DOCK7: variants seen among roughly 807,000 people sequenced by gnomAD.
The protein encoded by DOCK7 is dedicator of cytokinesis 7.
DOCK7 carries 138 observed loss-of-function variants against 271.0 expected under a neutral mutation model. The ratio of observed to expected loss-of-function variants is 0.51; its 90% CI spans 0.44 to 0.59. The LOEUF is 0.59. Among genes scored for constraint, DOCK7 ranks in the 20% least tolerant of loss-of-function variants. The pLI, the probability that DOCK7 is intolerant of heterozygous loss-of-function variation, is 0.00. For missense variants in DOCK7, 2,066 were observed against 2,592.4 expected (o/e 0.80, Z 4.41); for synonymous variants, 823 against 876.1 (o/e 0.94, Z 1.07).
intron 9 of DOCK7, among the ~76,000 whole-genome samples, 170 bp from the exon 10 acceptor site, chr1:62,633,748 A>C (rs1557834473): frequency 6.6e-6 from 1 of 152,200 alleles, no homozygotes. Flanking sequence ...CTTTCATGGC[A>C]GAAACGCTCA....
At position 62,505,807 on chromosome 1, in the gene DOCK7, C is replaced by T; in HGVS notation, c.4486G>A (p.Val1496Ile). Residue 1496 changes from valine (V) to isoleucine (I), a missense_variant, in exon 36 of 50, where the codon GTA becomes ATA. By Grantham distance (29) the Val-to-Ile change is conservative. Around this residue, in one of 2 missense-constraint regions of DOCK7, gnomAD observed 652 missense variants for 922.1 expected, o/e 0.71. Transcript: ENST00000635253. ...AGAATGCTCTCTTTGGATTCCGTTA[C>T]AGAAACGGTCTGCAATTTAAAAATA... ...TLEIVVQTVS[V>I]TESKESILGG... 6.2e-7 allele frequency: 1 copy of T among 1,608,616 alleles called. No homozygotes were observed. Among genetic ancestry groups the T allele is most frequent in the Non-Finnish European group, 8.5e-7 (1 of 1,178,210 alleles).
At chr1:62,559,297 C>A in intron 19 of DOCK7, 77 bp from the exon 20 acceptor site, 1 of 1,045,216 alleles carries the variant, frequency 9.6e-7, no homozygotes, top group Non-Finnish European at 1.4e-6. Context: ...CCACGGACCA[C>A]AAACATGTCA....
chr1:62,475,543 A>G (rs1240538043), intron 46 of DOCK7, 164 bp downstream of exon 46: 5 of 1,069,024 alleles, frequency 4.7e-6, no homozygotes, highest in Non-Finnish European at 6.7e-6. Context: ...GGGGTGAATT[A>G]GGGTCTTAGA....
At chr1:62,683,027 G>A (rs1419108308) in intron 1 of DOCK7, among the ~76,000 whole-genome samples, 1 of 152,146 alleles carries the variant, frequency 6.6e-6, no homozygotes, top group East Asian at 1.9e-4. Flanking sequence ...AGGTTAAAAT[G>A]AAGGACTAAT....
intron 31 of DOCK7, among the ~76,000 whole-genome samples, chr1:62,526,729 T>C (rs902041575): frequency 1.3e-5 from 2 of 152,306 alleles, no homozygotes; most frequent in Admixed American, 1.3e-4. Flanking sequence ...TACAATGGAA[T>C]ACTATTTGGC....
intron 10 of DOCK7, 30 bp from the exon 11 acceptor site, chr1:62,631,435 A>T (rs1234427426): frequency 6.5e-7 from 1 of 1,528,348 alleles, no homozygotes; most frequent in Non-Finnish European, 8.8e-7. Context: ...ACATTATATG[A>T]TTATACTTGA....
intron 31 of DOCK7, among the ~76,000 whole-genome samples, chr1:62,523,139 T>A (rs2149359569): frequency 6.6e-6 from 1 of 152,304 alleles, no homozygotes; most frequent in Admixed American, 6.5e-5. Flanking sequence ...ACTAAAATTT[T>A]AACAGGTTTA....
chr1:62,504,701 T>C lies in DOCK7; in HGVS notation c.4693A>G (p.Ile1565Val). ...LRLLRHCSSS[I>V]GTIRSHASAS... The stretch of plus-strand genomic sequence containing the variant: ...CTGGCGTGTGACCGTATTGTACCGA[T>C]GCTACTGCTACAGTGTCGGAGAAGC... The change falls in exon 37 of 50, where the codon ATC becomes GTC. Residue 1565 changes from isoleucine to valine, a missense_variant. By Grantham distance (29) the Ile-to-Val change is conservative (BLOSUM62 3). This residue lies in a region of DOCK7 where 652 missense variants were observed against 922.1 expected (regional missense o/e 0.71). Transcript: ENST00000635253. 1 of 1,614,188 alleles carries C rather than the reference T, an allele frequency of 6.2e-7. No individual in the cohort carries two copies. Among genetic ancestry groups the C allele is most frequent in the South Asian group, 1.1e-5 (1 of 91,080 alleles).
At chr1:62,653,331 T>C (rs879493250) in intron 4 of DOCK7, among the ~76,000 whole-genome samples, 8 of 152,194 alleles carry the variant, frequency 5.3e-5, no homozygotes, top group Non-Finnish European at 7.4e-5. Context: ...ACCTTTCAAA[T>C]AGCTTGGTCT....
chr1:62,547,230 C>A (rs1645740733), intron 22 of DOCK7, among the ~76,000 whole-genome samples: 1 of 152,090 alleles, frequency 6.6e-6, no homozygotes, highest in Non-Finnish European at 1.5e-5. Flanking sequence ...AAACTTGTGG[C>A]CAGTTATTTG....
chr1:62,618,661 T>C lies in DOCK7; in HGVS notation c.1682+45A>G, dbSNP rs746057559. The C allele has an allele frequency of 1.4e-5, 21 of 1,483,696 alleles. 1 individual carries two copies. In the South Asian group the frequency reaches 2.3e-4, roughly 16 times the overall value. 91.9% of individuals were successfully genotyped at this position (1,483,696 alleles called of 1,614,324 possible). ...CTAGTTATACTTTAATATTTTAGAA[T>C]ATACAGTATCTTCTATCAGAATTCT... On this transcript the variant is annotated intron_variant, in intron 14 of 49. Coordinates refer to ENST00000635253, the MANE Select transcript of DOCK7 (RefSeq NM_001367561.1).
At position 62,619,918 on chromosome 1, in the gene DOCK7, G is replaced by A. The variant is rs1174717913; in HGVS notation, c.1501C>T (p.Arg501Ter). 5 of 1,611,478 alleles carry A rather than the reference G, an allele frequency of 3.1e-6. No individual in the cohort carries two copies. Among genetic ancestry groups the A allele is most frequent in the Non-Finnish European group, 4.2e-6 (5 of 1,178,414 alleles). The stretch of plus-strand genomic sequence containing the variant: ...TAAATACCTGTAATAGGTCTTAGTC[G>A]CCGTAAGACAGAAGATGGCCTTCTC... ...DMRRPSSVLR[R>*]LRPITAQLKI... The change falls in exon 13 of 50, where the codon CGA becomes TGA. Residue 501 changes from arginine (R) to a stop codon, truncating the protein, a stop_gained. Transcript: ENST00000635253. LOFTEE classifies it high-confidence loss of function.
Position 62,662,873 on chromosome 1 carries a change from C to T in DOCK7, c.144+152G>A, listed in dbSNP as rs143190667. On this transcript the variant is annotated intron_variant, in intron 2 of 49. Transcript: ENST00000635253. The stretch of plus-strand genomic sequence containing the variant: ...AGCAATTCTATAACACCCCCAACAT[C>T]CTCTCCCAACTCAGATTTCAACAAA... 205 of 506,876 alleles carry T rather than the reference C, an allele frequency of 4.0e-4. 1 individual carries two copies. In the East Asian group the frequency reaches 6.1e-3, roughly 15 times the overall value. 31.4% of individuals were successfully genotyped at this position (506,876 alleles called of 1,614,324 possible). A position where few individuals can be genotyped will look rare whatever the true frequency, so the allele number is the denominator to read the frequency against.
intron 8 of DOCK7, 62 bp downstream of exon 8, chr1:62,636,471 AAAAC>A: frequency 1.6e-6 from 2 of 1,279,216 alleles, no homozygotes; most frequent in South Asian, 2.8e-5. Context: ...TCAATCTTAT[AAAAC>A]AAACAGGTTT....
intron 35 of DOCK7, 67 bp from the exon 36 acceptor site, chr1:62,505,883 C>G: frequency 6.7e-7 from 1 of 1,495,974 alleles, no homozygotes; most frequent in Non-Finnish European, 9.0e-7. Context: ...TGTTACAGGC[C>G]TCCCTATGTA....
At chr1:62,685,454 C>T (rs1661619098) in intron 1 of DOCK7, among the ~76,000 whole-genome samples, 1 of 152,134 alleles carries the variant, frequency 6.6e-6, no homozygotes, top group Admixed American at 6.5e-5. Context: ...GTTAATAATG[C>T]ATTACTCATA....
intron 14 of DOCK7, among the ~76,000 whole-genome samples, chr1:62,613,604 GA>G (rs1180508307): frequency 1.3e-5 from 2 of 152,068 alleles, no homozygotes; most frequent in Non-Finnish European, 2.9e-5. Flanking sequence ...AGCTTTCTCT[GA>G]ATTATCTGAT....
chr1:62,646,347 A>T (rs1350227716), intron 7 of DOCK7, among the ~76,000 whole-genome samples: 1 of 152,172 alleles, frequency 6.6e-6, no homozygotes, highest in Non-Finnish European at 1.5e-5. Flanking sequence ...AGGAAAAGAG[A>T]GAACAGGGAG....
At chr1:62,601,759 T>C (rs1557782916) in intron 14 of DOCK7, 1 of 1,556,516 alleles carries the variant, frequency 6.4e-7, no homozygotes, top group Non-Finnish European at 8.8e-7. Flanking sequence ...TAACATTTTA[T>C]TGATTCTAGG....
Sources: allele counts gnomAD v4.1 joint callset (sites outside exome capture counted in the v4.1 genomes callset), GRCh38; gene constraint gnomAD v4.1.1; regional missense constraint gnomAD v4.1.1; transcripts MANE v1.5; gene names NCBI Gene and HGNC (gene_info 2026-07-23, HGNC 2026-07-21).